HUNK: variants seen among roughly 807,000 people sequenced by gnomAD.
The protein encoded by HUNK is hormonally up-regulated Neu-associated kinase.
In HUNK, 21 loss-of-function variants were observed where a neutral mutation model predicts 61.0. The observed-to-expected ratio is 0.34, with a 90% CI of 0.24 to 0.50. HUNK has a LOEUF of 0.50. Among genes scored for constraint, HUNK ranks in the 20% least tolerant of loss-of-function variants. HUNK has a pLI of 0.98. For missense variants in HUNK, 772 were observed against 945.7 expected, an observed-to-expected ratio of 0.82 and a Z score of 2.41; for synonymous variants, 371 against 386.1, an observed-to-expected ratio of 0.96 and a Z score of 0.46.
intron 4 of HUNK, among the ~76,000 whole-genome samples, chr21:31,946,613 C>A (rs998320671): frequency 6.7e-6 from 1 of 150,154 alleles, no homozygotes; most frequent in Non-Finnish European, 1.5e-5. Context: ...TCGCTCCCAC[C>A]TCTGGGCTTG....
intron 9 of HUNK, among the ~76,000 whole-genome samples, chr21:31,994,681 TAGTTC>T (rs555204887): frequency 1.6e-3 from 248 of 152,352 alleles, no homozygotes; most frequent in African/African-American, 5.5e-3. Context: ...GAGTTAATTT[TAGTTC>T]AGTTCAGTTT....
chr21:31,958,470 TG>T (rs2052904914), intron 4 of HUNK, among the ~76,000 whole-genome samples: 1 of 152,074 alleles, frequency 6.6e-6, no homozygotes, highest in African/African-American at 2.4e-5. Flanking sequence ...GGCTAATTTT[TG>T]TATTTTTAGT....
intron 1 of HUNK, among the ~76,000 whole-genome samples, chr21:31,908,697 T>C (rs2052525422): frequency 2.0e-5 from 3 of 152,136 alleles, no homozygotes; most frequent in Non-Finnish European, 2.9e-5. Flanking sequence ...GCCCATTGTT[T>C]TTTGGATCCC....
In HUNK at chr21:31,997,929, T is replaced by C. The variant is rs1194926941; in HGVS notation, c.1487-597T>C. The stretch of plus-strand genomic sequence containing the variant: ...CCAGAATTTTTTTTTCTTTTTTTTC[T>C]TTTTTTGAGACAGAGTCTCACTCTG... On this transcript the variant is annotated intron_variant, in intron 10 of 10. Transcript: ENST00000270112. 2.0e-5 allele frequency among the ~76,000 whole-genome samples: 3 copies of C among 152,080 alleles called. No homozygotes were observed. The South Asian group carries it at 6.3e-4, about 32-fold the overall frequency.
chr21:31,960,530 C>T (rs2052920050), intron 5 of HUNK, among the ~76,000 whole-genome samples: 1 of 152,090 alleles, frequency 6.6e-6, no homozygotes, highest in South Asian at 2.1e-4. Context: ...CTAATAAAGA[C>T]ATACCCGAGA....
chr21:31,910,789 GGATGCTCAAGTTCTT>G (rs746555244), intron 1 of HUNK, among the ~76,000 whole-genome samples: 2 of 152,124 alleles, frequency 1.3e-5, no homozygotes, highest in East Asian at 3.9e-4. Context: ...CAGAGTCCAA[GGATGCTCAAGTTCTT>G]GATAACAAAT....
At position 31,893,125 on chromosome 21, in the gene HUNK, G is replaced by T. The variant is rs184565700; in HGVS notation, c.261+19190G>T. On this transcript the variant is annotated intron_variant, in intron 1 of 10. Coordinates refer to ENST00000270112, the MANE Select transcript of HUNK (RefSeq NM_014586.2). ...AAAACCACATTTAAGGACATCGTATGCATGGGAGTCCCACAGAATATGAGA... is the reference window on the plus strand; with the variant it reads ...AAAACCACATTTAAGGACATCGTATTCATGGGAGTCCCACAGAATATGAGA... 1.2e-3 allele frequency among the ~76,000 whole-genome samples: 184 copies of T among 152,234 alleles called. 1 individual carries two copies. Among genetic ancestry groups the T allele is most frequent in the Non-Finnish European group, 2.1e-3 (140 of 68,020 alleles).
At chr21:31,945,949 T>C in intron 3 of HUNK, 87 bp from the exon 4 acceptor site, 2 of 1,302,158 alleles carry the variant, frequency 1.5e-6, no homozygotes, top group Middle Eastern at 1.9e-4. Context: ...CCTTTCCTGC[T>C]GCCCTTTTTA....
At chr21:31,927,568 A>G (rs2052669648) in intron 2 of HUNK, among the ~76,000 whole-genome samples, 1 of 152,058 alleles carries the variant, frequency 6.6e-6, no homozygotes, top group African/African-American at 2.4e-5. Flanking sequence ...GGCATGAACC[A>G]AGAAGGCAGA....
chr21:31,935,565 G>C (rs73903709), intron 2 of HUNK, among the ~76,000 whole-genome samples: 26,056 of 151,994 alleles, frequency 0.17, 5,354 homozygotes, highest in African/African-American at 0.5. Context: ...CTATTCATCT[G>C]TCCTTTTTTC....
intron 1 of HUNK, among the ~76,000 whole-genome samples, chr21:31,902,110 C>T (rs578015729): frequency 6.6e-6 from 1 of 152,142 alleles, no homozygotes; most frequent in Non-Finnish European, 1.5e-5. Context: ...CAAGACCCTG[C>T]AAAACACTGT....
At chr21:31,942,821 G>T (rs1428799746) in intron 3 of HUNK, among the ~76,000 whole-genome samples, 1 of 152,160 alleles carries the variant, frequency 6.6e-6, no homozygotes, top group East Asian at 1.9e-4. Flanking sequence ...TTGGTTGCCA[G>T]TTCTCTACTG....
chr21:31,903,152 A>T (rs1162380144), intron 1 of HUNK, among the ~76,000 whole-genome samples: 1 of 152,052 alleles, frequency 6.6e-6, no homozygotes, highest in Non-Finnish European at 1.5e-5. Context: ...GCTTGACCCA[A>T]ATTCAGAGCA....
intron 1 of HUNK, among the ~76,000 whole-genome samples, chr21:31,891,738 A>C (rs2052388943): frequency 6.6e-6 from 1 of 152,200 alleles, no homozygotes; most frequent in South Asian, 2.1e-4. Context: ...TATTTTAGGA[A>C]GGGGGCAAAG....
intron 1 of HUNK, among the ~76,000 whole-genome samples, chr21:31,895,741 T>C (rs920727466): frequency 6.6e-6 from 1 of 152,170 alleles, no homozygotes; most frequent in Non-Finnish European, 1.5e-5. Context: ...TGCTGTGTGT[T>C]TCACAGTGGT....
At chr21:31,968,637 C>A (rs539522669) in intron 6 of HUNK, among the ~76,000 whole-genome samples, 1 of 152,106 alleles carries the variant, frequency 6.6e-6, no homozygotes, top group Admixed American at 6.5e-5. Flanking sequence ...GATATCCAGG[C>A]TTTGAGGGTC....
At chr21:31,878,017 G>A (rs2052277920) in intron 1 of HUNK, among the ~76,000 whole-genome samples, 1 of 152,098 alleles carries the variant, frequency 6.6e-6, no homozygotes, top group Non-Finnish European at 1.5e-5. Flanking sequence ...CCAGCACTTT[G>A]GGAGGCCAAG....
intron 1 of HUNK, among the ~76,000 whole-genome samples, chr21:31,902,034 A>C (rs1648600934): frequency 1.3e-5 from 2 of 152,138 alleles, no homozygotes; most frequent in Non-Finnish European, 2.9e-5. Flanking sequence ...ATAGGTGTAG[A>C]CCACAGTCAT....
chr21:31,898,040 A>G (rs1287754576), intron 1 of HUNK, among the ~76,000 whole-genome samples: 1 of 152,214 alleles, frequency 6.6e-6, no homozygotes, highest in African/African-American at 2.4e-5. Flanking sequence ...TACGACAGTT[A>G]TGCTGACATT....
Sources: allele counts gnomAD v4.1 joint callset (sites outside exome capture counted in the v4.1 genomes callset), GRCh38; gene constraint gnomAD v4.1.1; transcripts MANE v1.5; gene names NCBI Gene and HGNC (gene_info 2026-07-23, HGNC 2026-07-21).